MMP24OS: variants seen among roughly 807,000 people sequenced by gnomAD.
MMP24OS encodes protein MMP24OS.
chr20:35,278,024 C>A lies in MMP24OS; in HGVS notation c.-19G>T, dbSNP rs902981398. The A allele has an allele frequency of 5.1e-6, 2 of 389,808 alleles. No individual in the cohort carries two copies. The highest frequency in any genetic ancestry group is 9.1e-6 in the Non-Finnish European group (2 of 220,442). 24.1% of individuals were successfully genotyped at this position (389,808 alleles called of 1,614,324 possible). On this transcript the variant is annotated 5_prime_UTR_variant, in exon 1 of 2. Coordinates refer to ENST00000456790, the MANE Select transcript of MMP24OS (RefSeq NM_001355003.2). ...CTGCCCTCACCTCTCGCAGCCAGAC[C>A]CGCGGGTCTCCCGGAACCCACCTCG...
At position 35,278,101 on chromosome 20, in the gene MMP24OS, C is replaced by T; in HGVS notation, c.-96G>A. On this transcript the variant is annotated 5_prime_UTR_variant, in exon 1 of 2. Coordinates refer to ENST00000456790, the MANE Select transcript of MMP24OS (RefSeq NM_001355003.2). ...GCCACCACCGCGTACCGACCTCACC[C>T]TCCGTGCGTTGGAGCGGAAAGAAGG... is the stretch of plus-strand genomic sequence containing the variant. 1 of 388,610 alleles carries T rather than the reference C, an allele frequency of 2.6e-6. No individual in the cohort carries two copies. The allele number at this position is 388,610 out of a possible 1,614,324, so 24.1% of individuals were successfully genotyped here. A position where few individuals can be genotyped will look rare whatever the true frequency, so the allele number is the denominator to read the frequency against.
chr20:35,277,789 CTGGGGCTGGGGCTG>C lies in MMP24OS; in HGVS notation c.127_140del (p.Gln43AlafsTer67). ...CCCACGGGCTGGGCTCGGGCTGGGG[CTGGGGCTGGGGCTG>C]GGGCTGGGGCTGGGGCGGATGCCGG... On this transcript the variant is annotated frameshift_variant, in exon 2 of 2. Transcript: ENST00000456790. LOFTEE classifies it high-confidence loss of function. 7 of 159,786 alleles carry C rather than the reference CTGGGGCTGGGGCTG, an allele frequency of 4.4e-5. No homozygotes were observed. The allele number at this position is 159,786 out of a possible 1,614,324, so 9.9% of individuals were successfully genotyped here.
Position 35,276,668 on chromosome 20 carries a change from C to T in MMP24OS, c.*1046G>A, listed in dbSNP as rs748616074. 5.7e-6 allele frequency: 1 copy of T among 175,132 alleles called. No individual in the cohort carries two copies. The highest frequency in any genetic ancestry group is 1.5e-4 in the East Asian group (1 of 6,758). The allele number at this position is 175,132 out of a possible 1,614,324, so 10.8% of individuals were successfully genotyped here. On this transcript the variant is annotated 3_prime_UTR_variant, in exon 2 of 2. Transcript: ENST00000456790. Reference sequence around the variant, plus strand: ...GAAAGCTCTAGGCACCCCCGCCTCCCGCCAGGCTCCCCATTGGCTCCTGGC... The same window carrying T: ...GAAAGCTCTAGGCACCCCCGCCTCCTGCCAGGCTCCCCATTGGCTCCTGGC...
chr20:35,277,987 C>G, intron 1 of MMP24OS, 22 bp downstream of exon 1: 1 of 394,888 alleles, frequency 2.5e-6, no homozygotes, highest in Admixed American at 4.4e-5. Flanking sequence ...CCGCTAGGGC[C>G]CCGCCCCGGC....
Position 35,277,681 on chromosome 20 carries a change from GGACA to G in MMP24OS, c.*29_*32del. 2.5e-6 allele frequency: 1 copy of G among 396,816 alleles called. No homozygotes were observed. The highest frequency in any genetic ancestry group is 4.4e-6 in the Non-Finnish European group (1 of 224,872). The allele number at this position is 396,816 out of a possible 1,614,324, so 24.6% of individuals were successfully genotyped here. ...GCAGGCAAGAACCACAGGGGACGGC[GGACA>G]GACGGGCGACATCCTGCGGAGGACG... On this transcript the variant is annotated 3_prime_UTR_variant, in exon 2 of 2. Transcript: ENST00000456790.
At position 35,277,762 on chromosome 20, in the gene MMP24OS, C is replaced by T. The variant is rs918559816; in HGVS notation, c.168G>A (p.Gly56=). Reference sequence around the variant, plus strand: ...TGAGGAAGCGCACGTCGTCCAGCGGCCCCCACGGGCTGGGCTCGGGCTGGG... The same window carrying T: ...TGAGGAAGCGCACGTCGTCCAGCGGTCCCCACGGGCTGGGCTCGGGCTGGG... ...PQPQPEPSPW[G]PLDDVRFLIA... is the part of the protein sequence containing the mutation. The change falls in exon 2 of 2, where the codon GGG becomes GGA. Residue 56 remains glycine (G), a synonymous_variant. Coordinates refer to ENST00000456790, the MANE Select transcript of MMP24OS (RefSeq NM_001355003.2). 2.0e-4 allele frequency: 59 copies of T among 296,594 alleles called. No individual in the cohort carries two copies. The highest frequency in any genetic ancestry group is 9.5e-4 in the South Asian group (5 of 5,256). The allele number at this position is 296,594 out of a possible 1,614,324, so 18.4% of individuals were successfully genotyped here.
At position 35,277,285 on chromosome 20, in the gene MMP24OS, CCT is replaced by C. The variant is rs2060716319; in HGVS notation, c.*427_*428del. 2 of 135,070 alleles carry C rather than the reference CCT, an allele frequency of 1.5e-5. No homozygotes were observed. Among genetic ancestry groups the C allele is most frequent in the African/African-American group, 1.0e-4 (2 of 19,110 alleles). 8.4% of individuals were successfully genotyped at this position (135,070 alleles called of 1,614,324 possible). On this transcript the variant is annotated 3_prime_UTR_variant, in exon 2 of 2. Coordinates refer to ENST00000456790, the MANE Select transcript of MMP24OS (RefSeq NM_001355003.2). ...CACTGTGGCACGGGCTTCTCCATGA[CCT>C]GGGACATGACCTGGGACACATAGTC...
rs1002111141 is a variant in MMP24OS, at chr20:35,277,595, C to A, written c.*119G>T. The A allele has an allele frequency of 5.6e-5, 22 of 391,956 alleles. No homozygotes were observed. Among genetic ancestry groups the A allele is most frequent in the African/African-American group, 4.6e-4 (22 of 48,258 alleles). The allele number at this position is 391,956 out of a possible 1,614,324, so 24.3% of individuals were successfully genotyped here. On this transcript the variant is annotated 3_prime_UTR_variant, in exon 2 of 2. Coordinates refer to ENST00000456790, the MANE Select transcript of MMP24OS (RefSeq NM_001355003.2). ...GACCTCTTCGAATTCTCTGCTATCT[C>A]TGGGGAGCCTCGGGTGGGAGGGGGT...
In MMP24OS at chr20:35,277,135, T is replaced by G. The variant is rs1181536531; in HGVS notation, c.*579A>C. On this transcript the variant is annotated 3_prime_UTR_variant, in exon 2 of 2. Transcript: ENST00000456790. ...CTCCTCTGCCAGACCGGCGGTCAGA[T>G]AGCCTCCCTCTACAACAGGCTGGCC... The G allele has an allele frequency of 6.6e-6, 1 of 152,158 alleles. No individual in the cohort carries two copies. Among genetic ancestry groups the G allele is most frequent in the South Asian group, 2.1e-4 (1 of 4,818 alleles). The allele number at this position is 152,158 out of a possible 1,614,324, so 9.4% of individuals were successfully genotyped here.
rs972698027 is a variant in MMP24OS at position 35,277,747 on chromosome 20, C to G, written c.183G>C (p.Val61=). 6 of 380,178 alleles carry G rather than the reference C, an allele frequency of 1.6e-5. No individual in the cohort carries two copies. The highest frequency in any genetic ancestry group is 1.3e-4 in the African/African-American group (6 of 46,084). 23.6% of individuals were successfully genotyped at this position (380,178 alleles called of 1,614,324 possible). A position where few individuals can be genotyped will look rare whatever the true frequency, so the allele number is the denominator to read the frequency against. The change falls in exon 2 of 2, where the codon GTG becomes GTC. Residue 61 remains valine (V), a synonymous_variant. Transcript: ENST00000456790. ...AGGAAGTGCAGGCGATGAGGAAGCG[C>G]ACGTCGTCCAGCGGCCCCCACGGGC... The part of the protein sequence containing the change: ...EPSPWGPLDD[V]RFLIACTSWY
In MMP24OS at chr20:35,277,614, A is replaced by AG; in HGVS notation, c.*99dup. ...CTATCTCTGGGGAGCCTCGGGTGGG[A>AG]GGGGGTGTAAGAGACGCAGGGACGT... On this transcript the variant is annotated 3_prime_UTR_variant, in exon 2 of 2. Transcript: ENST00000456790. 2.6e-6 allele frequency: 1 copy of AG among 391,864 alleles called. No homozygotes were observed. The highest frequency in any genetic ancestry group is 4.5e-6 in the Non-Finnish European group (1 of 221,892). The allele number at this position is 391,864 out of a possible 1,614,324, so 24.3% of individuals were successfully genotyped here.
Position 35,277,680 on chromosome 20 carries a change from C to G in MMP24OS, c.*34G>C, listed in dbSNP as rs551248152. The G allele has an allele frequency of 2.5e-6, 1 of 393,550 alleles. No homozygotes were observed. Among genetic ancestry groups the G allele is most frequent in the South Asian group, 1.3e-4 (1 of 7,810 alleles). 24.4% of individuals were successfully genotyped at this position (393,550 alleles called of 1,614,324 possible). On this transcript the variant is annotated 3_prime_UTR_variant, in exon 2 of 2. Transcript: ENST00000456790. The stretch of plus-strand genomic sequence containing the variant: ...GGCAGGCAAGAACCACAGGGGACGG[C>G]GGACAGACGGGCGACATCCTGCGGA...
chr20:35,277,553 TC>T lies in MMP24OS; in HGVS notation c.*160del. 1 of 390,556 alleles carries T rather than the reference TC, an allele frequency of 2.6e-6. No homozygotes were observed. The highest frequency in any genetic ancestry group is 1.4e-4 in the South Asian group (1 of 6,940). 24.2% of individuals were successfully genotyped at this position (390,556 alleles called of 1,614,324 possible). On this transcript the variant is annotated 3_prime_UTR_variant, in exon 2 of 2. Coordinates refer to ENST00000456790, the MANE Select transcript of MMP24OS (RefSeq NM_001355003.2). ...CTGCGAAGGCGGCCCTGCCGGGACT[TC>T]TTTCCAGTCCCCGGCGACCTCTTCG...
At position 35,277,014 on chromosome 20, in the gene MMP24OS, G is replaced by A. The variant is rs765364244; in HGVS notation, c.*700C>T. ...GAAATACAGAGTGTGTCATTTCCCT[G>A]GGATGAGGGAACAAAGATCAGGTTC... On this transcript the variant is annotated 3_prime_UTR_variant, in exon 2 of 2. Transcript: ENST00000456790. The A allele has an allele frequency of 4.6e-5, 7 of 152,634 alleles. No homozygotes were observed. The highest frequency in any genetic ancestry group is 1.0e-4 in the Non-Finnish European group (7 of 68,054). 9.5% of individuals were successfully genotyped at this position (152,634 alleles called of 1,614,324 possible).
Position 35,277,841 on chromosome 20 carries a change from C to T in MMP24OS, c.89G>A (p.Gly30Asp). ...QPQPQPAAPE[G>D]PEQPRHPPQP... is the part of the protein sequence containing the mutation. ...GGGCGGATGCCGGGGCTGTTCCGGG[C>T]CCTCCGGCGCCGCAGGCTGGGGCTG... is the stretch of plus-strand genomic sequence containing the variant. Residue 30 changes from glycine to aspartate, a missense_variant, in exon 2 of 2, where the codon GGC becomes GAC. Physicochemically the swap from Gly to Asp is moderately conservative, Grantham distance 94. Coordinates refer to ENST00000456790, the MANE Select transcript of MMP24OS (RefSeq NM_001355003.2). 7.6e-6 allele frequency: 3 copies of T among 392,482 alleles called. No homozygotes were observed. The highest frequency in any genetic ancestry group is 3.8e-5 in the East Asian group (1 of 26,042). 24.3% of individuals were successfully genotyped at this position (392,482 alleles called of 1,614,324 possible). A position where few individuals can be genotyped will look rare whatever the true frequency, so the allele number is the denominator to read the frequency against.
At position 35,276,682 on chromosome 20, in the gene MMP24OS, T is replaced by G; in HGVS notation, c.*1032A>C. ...CCCCCGCCTCCCGCCAGGCTCCCCATTGGCTCCTGGCAGGCCAGCTGAGAA... is the reference window on the plus strand; with the variant it reads ...CCCCCGCCTCCCGCCAGGCTCCCCAGTGGCTCCTGGCAGGCCAGCTGAGAA... On this transcript the variant is annotated 3_prime_UTR_variant, in exon 2 of 2. Transcript: ENST00000456790. 6.1e-6 allele frequency: 1 copy of G among 163,572 alleles called. No individual in the cohort carries two copies. Among genetic ancestry groups the G allele is most frequent in the Non-Finnish European group, 1.3e-5 (1 of 75,482 alleles). The allele number at this position is 163,572 out of a possible 1,614,324, so 10.1% of individuals were successfully genotyped here. A position where few individuals can be genotyped will look rare whatever the true frequency, so the allele number is the denominator to read the frequency against.
At position 35,277,638 on chromosome 20, in the gene MMP24OS, G is replaced by A; in HGVS notation, c.*76C>T. ...GAGGGGGTGTAAGAGACGCAGGGAC[G>A]TGGGGAGAGGAGACAAGGCAGGCAA... On this transcript the variant is annotated 3_prime_UTR_variant, in exon 2 of 2. Coordinates refer to ENST00000456790, the MANE Select transcript of MMP24OS (RefSeq NM_001355003.2). 2.5e-6 allele frequency: 1 copy of A among 394,370 alleles called. No individual in the cohort carries two copies. The highest frequency in any genetic ancestry group is 4.5e-6 in the Non-Finnish European group (1 of 223,200). The allele number at this position is 394,370 out of a possible 1,614,324, so 24.4% of individuals were successfully genotyped here. A position where few individuals can be genotyped will look rare whatever the true frequency, so the allele number is the denominator to read the frequency against.
In MMP24OS at chr20:35,277,604, C is replaced by G; in HGVS notation, c.*110G>C. On this transcript the variant is annotated 3_prime_UTR_variant, in exon 2 of 2. Coordinates refer to ENST00000456790, the MANE Select transcript of MMP24OS (RefSeq NM_001355003.2). The stretch of plus-strand genomic sequence containing the variant: ...GAATTCTCTGCTATCTCTGGGGAGC[C>G]TCGGGTGGGAGGGGGTGTAAGAGAC... 2.5e-6 allele frequency: 1 copy of G among 392,252 alleles called. No homozygotes were observed. The highest frequency in any genetic ancestry group is 4.5e-6 in the Non-Finnish European group (1 of 222,134). The allele number at this position is 392,252 out of a possible 1,614,324, so 24.3% of individuals were successfully genotyped here.
rs1324223788 is a variant in MMP24OS, at chr20:35,278,017, G to T, written c.-12C>A. 6 of 390,244 alleles carry T rather than the reference G, an allele frequency of 1.5e-5. No individual in the cohort carries two copies. In the East Asian group the frequency reaches 2.2e-4, roughly 14 times the overall value. 24.2% of individuals were successfully genotyped at this position (390,244 alleles called of 1,614,324 possible). A position where few individuals can be genotyped will look rare whatever the true frequency, so the allele number is the denominator to read the frequency against. ...CCCGGCTCTGCCCTCACCTCTCGCA[G>T]CCAGACCCGCGGGTCTCCCGGAACC... On this transcript the variant is annotated 5_prime_UTR_variant, in exon 1 of 2. In the 5' UTR this introduces an upstream ATG that the reference lacks. Transcript: ENST00000456790.
Sources: allele counts gnomAD v4.1 joint callset, GRCh38; gene constraint gnomAD v4.1.1; transcripts MANE v1.5; gene names NCBI Gene and HGNC (gene_info 2026-07-23, HGNC 2026-07-21).